ACVR2A: variants seen among roughly 807,000 people sequenced by gnomAD.
ACVR2A encodes the protein activin receptor type-2A.
In ACVR2A, 7 loss-of-function variants were observed where a neutral mutation model predicts 61.4. The observed-to-expected ratio is 0.11, with a 90% CI of 0.06 to 0.21. The LOEUF (loss-of-function observed/expected upper bound fraction) is 0.21. Ranked by LOEUF, ACVR2A falls within the 10% of genes least tolerant of loss-of-function variation. The pLI is 1.00. For synonymous variants in ACVR2A, 193 were observed against 208.3 expected, an observed-to-expected ratio of 0.93 and a Z score of 0.63; for missense variants, 322 against 621.7, an observed-to-expected ratio of 0.52 and a Z score of 5.13.
chr2:147,895,160 TTACA>T (rs1282101387), intron 1 of ACVR2A, among the ~76,000 whole-genome samples: 3 of 152,154 alleles, frequency 2.0e-5, no homozygotes, highest in Non-Finnish European at 2.9e-5. Context: ...TTATCAAAAC[TTACA>T]TACACACTTA....
chr2:147,915,302 G>A lies in ACVR2A; in HGVS notation c.640G>A (p.Glu214Lys), dbSNP rs770920471. The A allele has an allele frequency of 3.7e-6, 6 of 1,612,018 alleles. No individual in the cohort carries two copies. The Middle Eastern group carries it at 6.6e-4, about 178-fold the overall frequency. ...GCVWKAQLLN[E>K]YVAVKIFPIQ... Reference sequence around the variant, plus strand: ...TGTCTGGAAAGCCCAGTTGCTTAACGAATATGTGGCTGTCAAAATATTTCC... The same window carrying A: ...TGTCTGGAAAGCCCAGTTGCTTAACAAATATGTGGCTGTCAAAATATTTCC... Residue 214 changes from glutamate (E) to lysine (K), a missense_variant, in exon 5 of 11, where the codon GAA becomes AAA. Coordinates refer to ENST00000241416, the MANE Select transcript of ACVR2A (RefSeq NM_001616.5).
intron 1 of ACVR2A, among the ~76,000 whole-genome samples, chr2:147,867,606 A>G (rs1466816858): frequency 6.6e-6 from 1 of 152,128 alleles, no homozygotes; most frequent in African/African-American, 2.4e-5. Context: ...AAAGCAAACA[A>G]AAATGCACCA....
intron 4 of ACVR2A, among the ~76,000 whole-genome samples, chr2:147,900,794 G>T (rs1244064840): frequency 6.6e-6 from 1 of 151,964 alleles, no homozygotes; most frequent in Non-Finnish European, 1.5e-5. Flanking sequence ...ATCTCTTGGT[G>T]TAACTTTGCT....
chr2:147,887,982 T>G (rs879739240), intron 1 of ACVR2A, among the ~76,000 whole-genome samples: 48 of 152,218 alleles, frequency 3.2e-4, no homozygotes, highest in Non-Finnish European at 4.4e-4. Context: ...AGCTGGGCTT[T>G]CTGGAACTAC....
intron 1 of ACVR2A, among the ~76,000 whole-genome samples, chr2:147,866,502 A>G (rs778943507): frequency 8.5e-5 from 13 of 152,204 alleles, no homozygotes; most frequent in Non-Finnish European, 1.6e-4. Context: ...GGCCAAATGC[A>G]GAGGAAACAA....
intron 1 of ACVR2A, among the ~76,000 whole-genome samples, chr2:147,847,076 T>C (rs565189045): frequency 5.9e-5 from 9 of 152,200 alleles, no homozygotes; most frequent in Middle Eastern, 3.4e-3. Flanking sequence ...ATTATTTTCA[T>C]TGGGCCAGGA....
chr2:147,854,561 A>G (rs1055593851), intron 1 of ACVR2A, among the ~76,000 whole-genome samples: 1 of 152,146 alleles, frequency 6.6e-6, no homozygotes, highest in African/African-American at 2.4e-5. Context: ...CTACTTTCCT[A>G]CTGACTCTTC....
At chr2:147,863,098 T>G (rs1685766786) in intron 1 of ACVR2A, among the ~76,000 whole-genome samples, 1 of 152,174 alleles carries the variant, frequency 6.6e-6, no homozygotes, top group Admixed American at 6.5e-5. Context: ...TAGCAGAACT[T>G]AGGTCTGTAA....
In ACVR2A at chr2:147,872,220, T is replaced by G. The variant is rs543479791; in HGVS notation, c.56-24081T>G. Among the ~76,000 whole-genome samples the G allele has an allele frequency of 9.2e-5, 14 of 152,150 alleles. No homozygotes were observed. The East Asian group carries it at 2.7e-3, about 29-fold the overall frequency. On this transcript the variant is annotated intron_variant, in intron 1 of 10. Transcript: ENST00000241416. ...AAAAGTCATACATTATTTTTGCACA[T>G]TAGCCATAGTATGTAAAGCCCAATT... is the stretch of plus-strand genomic sequence containing the variant.
chr2:147,888,352 C>G (rs886486101), intron 1 of ACVR2A, among the ~76,000 whole-genome samples: 9 of 152,122 alleles, frequency 5.9e-5, no homozygotes, highest in Admixed American at 3.3e-4. Flanking sequence ...TTGCATTACA[C>G]CTATCCATCA....
chr2:147,914,382 G>A (rs1224901308), intron 4 of ACVR2A, among the ~76,000 whole-genome samples: 6 of 151,924 alleles, frequency 3.9e-5, no homozygotes, highest in Non-Finnish European at 5.9e-5. Context: ...ATTTCCTTGT[G>A]ATTTGTAGAT....
At chr2:147,860,283 T>G (rs932963109) in intron 1 of ACVR2A, among the ~76,000 whole-genome samples, 2 of 151,802 alleles carry the variant, frequency 1.3e-5, no homozygotes, top group Non-Finnish European at 2.9e-5. Flanking sequence ...GAAAGGGGAA[T>G]GAGGAGGGAA....
intron 1 of ACVR2A, among the ~76,000 whole-genome samples, chr2:147,862,050 C>T (rs764232941): frequency 6.6e-6 from 1 of 152,120 alleles, no homozygotes; most frequent in South Asian, 2.1e-4. Context: ...AGAACTAAAA[C>T]CCTGATTTTC....
In ACVR2A at chr2:147,930,300, A is replaced by AGT. The variant is rs1687642182; in HGVS notation, c.*3026_*3027insGT. The AGT allele has an allele frequency of 4.6e-5, 7 of 152,294 alleles. No homozygotes were observed. In the South Asian group the frequency reaches 1.5e-3, roughly 32 times the overall value. The allele number at this position is 152,294 out of a possible 1,614,324, so 9.4% of individuals were successfully genotyped here. A position where few individuals can be genotyped will look rare whatever the true frequency, so the allele number is the denominator to read the frequency against. On this transcript the variant is annotated 3_prime_UTR_variant, in exon 11 of 11. Coordinates refer to ENST00000241416, the MANE Select transcript of ACVR2A (RefSeq NM_001616.5). ...AAGTAAAATGCAGGTGGTAGGGGAAAAAAAACCATGGCGAGATGGTGGTTT... is the reference window on the plus strand; with the variant it reads ...AAGTAAAATGCAGGTGGTAGGGGAAAGTAAAAACCATGGCGAGATGGTGGTTT...
In ACVR2A at chr2:147,896,419, G is replaced by A. The variant is rs1320760654; in HGVS notation, c.174G>A (p.Arg58=). The A allele has an allele frequency of 1.9e-6, 3 of 1,613,958 alleles. No individual in the cohort carries two copies. In the Admixed American group the frequency reaches 5.0e-5, roughly 27 times the overall value. Residue 58 remains arginine, a synonymous_variant, in exon 2 of 11, where the codon CGG becomes CGA. Transcript: ENST00000241416. Reference sequence around the variant, plus strand: ...GTTATGGTGACAAAGATAAACGGCGGCATTGTTTTGCTACCTGGAAGAATA... The same window carrying A: ...GTTATGGTGACAAAGATAAACGGCGACATTGTTTTGCTACCTGGAAGAATA... ...EPCYGDKDKR[R]HCFATWKNIS...
At chr2:147,886,850 A>G (rs372876248) in intron 1 of ACVR2A, among the ~76,000 whole-genome samples, 2 of 151,648 alleles carry the variant, frequency 1.3e-5, no homozygotes, top group African/African-American at 4.9e-5. Context: ...CTTAATGCCA[A>G]TGATAAAATT....
intron 4 of ACVR2A, among the ~76,000 whole-genome samples, chr2:147,904,682 T>C (rs1230774901): frequency 6.6e-6 from 1 of 152,024 alleles, no homozygotes; most frequent in Non-Finnish European, 1.5e-5. Flanking sequence ...TCATGCTATG[T>C]CAGAGTGCTA....
intron 1 of ACVR2A, among the ~76,000 whole-genome samples, chr2:147,888,995 C>T (rs1170193143): frequency 6.6e-6 from 1 of 151,552 alleles, no homozygotes; most frequent in African/African-American, 2.4e-5. Flanking sequence ...TCCTAGTGTA[C>T]TGATAGTTTT....
chr2:147,887,724 T>A (rs557874562), intron 1 of ACVR2A, among the ~76,000 whole-genome samples: 1 of 152,198 alleles, frequency 6.6e-6, no homozygotes, highest in African/African-American at 2.4e-5. Flanking sequence ...GCAGTACTTA[T>A]TTTTTATGGT....
Sources: gnomAD v4.1 joint callset for allele counts (sites outside exome capture counted in the v4.1 genomes callset) on GRCh38, gnomAD v4.1.1 for gene constraint, MANE v1.5 for transcripts, NCBI Gene and HGNC (gene_info 2026-07-23, HGNC 2026-07-21) for gene names.